The following F13B variants were observed in gnomAD, a reference collection of about 807,000 sequenced individuals.
F13B encodes the protein TGase.
A neutral mutation model predicts 79.8 loss-of-function variants in F13B; 58 were observed. The observed-to-expected ratio is 0.73, with a 90% CI of 0.59 to 0.90. F13B has a LOEUF of 0.90. Among genes scored for constraint, F13B ranks in the 40% least tolerant of loss-of-function variants. The pLI is 0.00. For synonymous variants in F13B, 283 were observed against 260.3 expected, an observed-to-expected ratio of 1.09 and a Z score of -0.84; for missense variants, 773 against 777.0, an observed-to-expected ratio of 0.99 and a Z score of 0.06.
rs999273393 is a variant in F13B at position 197,060,396 on chromosome 1, C to T, written c.775G>A (p.Gly259Ser). The stretch of plus-strand genomic sequence containing the variant: ...CATACAGGAGATTCTGGGTACCAAC[C>T]AAAGTTATAGCATTGAATTAAATCA... ...GSDLIQCYNF[G>S]WYPESPVCEG... is the part of the protein sequence containing the mutation. The change falls in exon 5 of 12, where the codon GGT (glycine) becomes AGT (serine). Residue 259 changes from glycine to serine, a missense_variant. Gly to Ser is a moderately conservative substitution (Grantham distance 56). Coordinates refer to ENST00000367412, the MANE Select transcript of F13B (RefSeq NM_001994.3). The T allele has an allele frequency of 6.2e-7, 1 of 1,612,300 alleles. No individual in the cohort carries two copies. Among genetic ancestry groups the T allele is most frequent in the Admixed American group, 1.7e-5 (1 of 59,898 alleles).
Position 197,055,873 on chromosome 1 carries a change from G to A in F13B, c.1196C>T (p.Pro399Leu). Reference protein sequence around the residue: ...CVENNENCKHPPVVMNGAVAD... With the variant: ...CVENNENCKHLPVVMNGAVAD... ...AACAGCCCCATTCATTACAACAGGA[G>A]GATGCTTACAATTCTCATTATTTTC... Residue 399 changes from proline (P) to leucine (L), a missense_variant, in exon 8 of 12, where the codon CCT (proline) becomes CTT (leucine). By Grantham distance (98) the Pro-to-Leu change is moderately conservative. Transcript: ENST00000367412. The A allele has an allele frequency of 1.2e-6, 2 of 1,613,236 alleles. No homozygotes were observed. Among genetic ancestry groups the A allele is most frequent in the Non-Finnish European group, 1.7e-6 (2 of 1,179,626 alleles).
At chr1:197,039,449 A>G in intron 11 of F13B, 38 bp from the exon 12 acceptor site, 1 of 1,563,848 alleles carries the variant, frequency 6.4e-7, no homozygotes, top group Non-Finnish European at 8.8e-7. Context: ...AATAAGCATC[A>G]ATTGCAGTCA....
intron 9 of F13B, among the ~76,000 whole-genome samples, chr1:197,051,814 T>C (rs933084484): frequency 5.9e-5 from 9 of 152,198 alleles, no homozygotes; most frequent in Non-Finnish European, 5.9e-5. Context: ...GCCACATAAA[T>C]GTCTTCTTTT....
Position 197,039,356 on chromosome 1 carries a change from C to T in F13B, c.*22G>A. ...AATTTCATGATGTATTGAAATATGA[C>T]TCCTCTTTCTGCCATTCATTTCTAT... On this transcript the variant is annotated 3_prime_UTR_variant, in exon 12 of 12. Transcript: ENST00000367412. 6.3e-7 allele frequency: 1 copy of T among 1,592,188 alleles called. No homozygotes were observed. The highest frequency in any genetic ancestry group is 8.6e-7 in the Non-Finnish European group (1 of 1,161,464).
rs372702160 is a variant in F13B at position 197,067,145 on chromosome 1, A to C, written c.64+15T>G. On this transcript the variant is annotated intron_variant, in intron 1 of 11. Coordinates refer to ENST00000367412, the MANE Select transcript of F13B (RefSeq NM_001994.3). ...TATGTTTTAGAGAATAAAGAATATTAAGAATTAATTTTACCTTCTGCATAG... is the reference window on the plus strand; with the variant it reads ...TATGTTTTAGAGAATAAAGAATATTCAGAATTAATTTTACCTTCTGCATAG... The C allele has an allele frequency of 2.0e-6, 3 of 1,493,696 alleles. No homozygotes were observed. Among genetic ancestry groups the C allele is most frequent in the Admixed American group, 3.4e-5 (2 of 59,630 alleles). The allele number at this position is 1,493,696 out of a possible 1,614,324, so 92.5% of individuals were successfully genotyped here. A position where few individuals can be genotyped will look rare whatever the true frequency, so the allele number is the denominator to read the frequency against.
chr1:197,061,595 A>G (rs1048395559), intron 3 of F13B, among the ~76,000 whole-genome samples, 189 bp downstream of exon 3: 1 of 152,080 alleles, frequency 6.6e-6, no homozygotes, highest in East Asian at 1.9e-4. Context: ...GGTGGGTTGT[A>G]GGGATTGAGA....
chr1:197,040,393 A>G, intron 11 of F13B, 129 bp downstream of exon 11: 1 of 669,994 alleles, frequency 1.5e-6, no homozygotes, highest in Non-Finnish European at 2.6e-6. Flanking sequence ...AAAAAAATGA[A>G]GAAAATATTA....
In F13B at chr1:197,067,190, A is replaced by G. The variant is rs1373217266; in HGVS notation, c.34T>C (p.Leu12=). 6.2e-7 allele frequency: 1 copy of G among 1,608,174 alleles called. No homozygotes were observed. Among genetic ancestry groups the G allele is most frequent in the East Asian group, 2.2e-5 (1 of 44,656 alleles). The change falls in exon 1 of 12, where the codon TTG becomes CTG. Residue 12 remains leucine, a synonymous_variant. Transcript: ENST00000367412. ...GCATAGAGTTCTCCTGAGATTATCA[A>G]TATGATGATAAAAGTCAGGTTTTTC... ...RLKNLTFIII[L]IISGELYAEE...
intron 10 of F13B, among the ~76,000 whole-genome samples, chr1:197,046,036 T>C (rs1655216894): frequency 6.6e-6 from 1 of 152,188 alleles, no homozygotes. Flanking sequence ...GAGCTGTTCA[T>C]GACAAACCCA....
At chr1:197,046,693 C>T (rs967077387) in intron 10 of F13B, among the ~76,000 whole-genome samples, 8 of 152,074 alleles carry the variant, frequency 5.3e-5, no homozygotes, top group East Asian at 1.9e-4. Flanking sequence ...AAAAAGAGCC[C>T]GCATTGCCAA....
chr1:197,056,777 C>A (rs1049187322), intron 7 of F13B, among the ~76,000 whole-genome samples: 3 of 152,022 alleles, frequency 2.0e-5, no homozygotes, highest in Non-Finnish European at 2.9e-5. Flanking sequence ...TTAGCACTAG[C>A]GTTCAAAAAA....
At chr1:197,056,847 GCA>G (rs1427704783) in intron 7 of F13B, among the ~76,000 whole-genome samples, 164 bp downstream of exon 7, 2 of 152,102 alleles carry the variant, frequency 1.3e-5, no homozygotes, top group Non-Finnish European at 2.9e-5. Context: ...ACACATACAG[GCA>G]CACACACATG....
chr1:197,052,704 T>C lies in F13B; in HGVS notation c.1485A>G (p.Leu495=). Residue 495 remains leucine (L), a synonymous_variant, in exon 9 of 12, where the codon TTA becomes TTG. Coordinates refer to ENST00000367412, the MANE Select transcript of F13B (RefSeq NM_001994.3). ...GCACAGATAATTCAGACAATGGGGT[T>C]AATGGAGATAAGTCATATCCCTGTT... is the stretch of plus-strand genomic sequence containing the variant. ...VCKQGYDLSP[L]TPLSELSVQC... 6.2e-7 allele frequency: 1 copy of C among 1,612,186 alleles called. No individual in the cohort carries two copies. The highest frequency in any genetic ancestry group is 1.3e-5 in the African/African-American group (1 of 74,966).
At chr1:197,042,327 T>A (rs1406022258) in intron 10 of F13B, among the ~76,000 whole-genome samples, 2 of 152,162 alleles carry the variant, frequency 1.3e-5, no homozygotes, top group Admixed American at 1.3e-4. Flanking sequence ...GAACATGAGA[T>A]TTAAATTAAA....
intron 7 of F13B, 98 bp from the exon 8 acceptor site, chr1:197,055,995 G>A: frequency 1.9e-6 from 2 of 1,075,022 alleles, no homozygotes; most frequent in Non-Finnish European, 1.3e-6. Context: ...ATATAATTTA[G>A]GACAATTGTT....
rs1048993590 is a variant in F13B, at chr1:197,061,883, A to T, written c.352T>A (p.Cys118Ser). 6.2e-6 allele frequency: 10 copies of T among 1,613,260 alleles called. No homozygotes were observed. The highest frequency in any genetic ancestry group is 8.5e-6 in the Non-Finnish European group (10 of 1,179,546). Reference sequence around the variant, plus strand: ...CCAGTGGTTTTGTACCCTGAAGCGCAACCATAACGCATGTTCTCTTGAATT... The same window carrying T: ...CCAGTGGTTTTGTACCCTGAAGCGCTACCATAACGCATGTTCTCTTGAATT... ...YKIQENMRYG[C>S]ASGYKTTGGK... Residue 118 changes from cysteine (C) to serine (S), a missense_variant, in exon 3 of 12, where the codon TGC becomes AGC. Coordinates refer to ENST00000367412, the MANE Select transcript of F13B (RefSeq NM_001994.3).
rs141305918 is a variant in F13B, at chr1:197,046,987, T to C, written c.1738+3710A>G. Among the ~76,000 whole-genome samples, 1,113 of 152,312 alleles carry C rather than the reference T, an allele frequency of 7.3e-3. 14 individuals carry two copies. Among genetic ancestry groups the C allele is most frequent in the African/African-American group, 0.026 (1,062 of 41,558 alleles). On this transcript the variant is annotated intron_variant, in intron 10 of 11. Transcript: ENST00000367412. ...GAAAGCTGAAACTGGATCACTTCCT[T>C]ATACCTTATACAAAAATTAACTCAA...
chr1:197,058,210 C>T (rs1209644313), intron 5 of F13B, among the ~76,000 whole-genome samples: 1 of 152,054 alleles, frequency 6.6e-6, no homozygotes, highest in Non-Finnish European at 1.5e-5. Context: ...ATTATTTCTC[C>T]CATGTTATAG....
In F13B at chr1:197,052,736, C is replaced by T. The variant is rs770978655; in HGVS notation, c.1453G>A (p.Val485Ile). ...KVLHGDLIDF[V>I]CKQGYDLSPL... ...GATAAGTCATATCCCTGTTTACATA[C>T]AAAATCTATTAAATCTCCATGTAAG... is the stretch of plus-strand genomic sequence containing the variant. Residue 485 changes from valine to isoleucine, a missense_variant, in exon 9 of 12, where the codon GTA becomes ATA. By Grantham distance (29) the Val-to-Ile change is conservative. Coordinates refer to ENST00000367412, the MANE Select transcript of F13B (RefSeq NM_001994.3). The T allele has an allele frequency of 2.1e-5, 34 of 1,611,262 alleles. No individual in the cohort carries two copies. In the South Asian group the frequency reaches 2.7e-4, roughly 13 times the overall value.
Sources: allele counts gnomAD v4.1 joint callset (sites outside exome capture counted in the v4.1 genomes callset), GRCh38; gene constraint gnomAD v4.1.1; transcripts MANE v1.5; gene names NCBI Gene and HGNC (gene_info 2026-07-23, HGNC 2026-07-21).